Variants in KIRREL1 observed in about 807,000 individuals in gnomAD.
KIRREL1 encodes the protein kin of IRRE-like protein 1.
A neutral mutation model predicts 83.3 loss-of-function variants in KIRREL1; 25 were observed. That is an observed-to-expected ratio of 0.30 (90% confidence interval 0.22 to 0.42). The LOEUF (loss-of-function observed/expected upper bound fraction) is 0.42, where lower values mean the gene tolerates loss of function less well. Among genes scored for constraint, KIRREL1 ranks in the 10% least tolerant of loss-of-function variants. The probability of loss-of-function intolerance (pLI) is 1.00; values close to 1 mark genes in which losing one functional copy is unlikely to be tolerated. For synonymous variants in KIRREL1, 388 were observed against 410.4 expected (o/e 0.95, Z 0.66); for missense variants, 812 against 1,032.3 (o/e 0.79, Z 2.92).
At chr1:158,044,490 G>A (rs1249178949) in intron 1 of KIRREL1, among the ~76,000 whole-genome samples, 1 of 151,886 alleles carries the variant, frequency 6.6e-6, no homozygotes, top group Non-Finnish European at 1.5e-5. Flanking sequence ...GGCATTTTTT[G>A]TTTGTTTGCT....
At chr1:158,023,064 C>T (rs930553005) in intron 1 of KIRREL1, among the ~76,000 whole-genome samples, 3 of 152,232 alleles carry the variant, frequency 2.0e-5, no homozygotes, top group African/African-American at 7.2e-5. Flanking sequence ...AGCCATGAAG[C>T]AGGCCAAACA....
At chr1:158,020,600 C>CAAAAAAAAAAAAAAAAAAAAAAAA (rs370156588) in intron 1 of KIRREL1, among the ~76,000 whole-genome samples, 1 of 83,678 alleles carries the variant, frequency 1.2e-5, no homozygotes, top group Non-Finnish European at 2.1e-5. Context: ...TACAGTAAAT[C>CAAAAAAAAAAAAAAAAAAAAAAAA]AAAAAAAAAA....
chr1:158,013,162 A>G (rs1360728537), intron 1 of KIRREL1, among the ~76,000 whole-genome samples: 3 of 152,174 alleles, frequency 2.0e-5, no homozygotes, highest in Non-Finnish European at 4.4e-5. Context: ...CCTTTATCCC[A>G]TACCCCATAA....
In KIRREL1 at chr1:158,089,523, C is replaced by A. The variant is rs373920124; in HGVS notation, c.1066C>A (p.Leu356Met). The stretch of plus-strand genomic sequence containing the variant: ...CCAGGTCCTGAGTAACAGCAACCAG[C>A]TGCTGCTGAAGTCGGTGACTCAGGC... ...SNMVLSNSNQ[L>M]LLKSVTQADA... The change falls in exon 9 of 15, where the codon CTG becomes ATG. Residue 356 changes from leucine to methionine, a missense_variant. Coordinates refer to ENST00000359209, the MANE Select transcript of KIRREL1 (RefSeq NM_018240.7). 1 of 1,614,098 alleles carries A rather than the reference C, an allele frequency of 6.2e-7. No homozygotes were observed. Among genetic ancestry groups the A allele is most frequent in the Non-Finnish European group, 8.5e-7 (1 of 1,180,050 alleles).
At position 158,029,372 on chromosome 1, in the gene KIRREL1, T is replaced by TGTGTGTGTGTGTGTGTGC. The variant is rs1190966368; in HGVS notation, c.52+35645_52+35646insTGTGTGTGTGTGTGTGCG. 1.0e-3 allele frequency among the ~76,000 whole-genome samples: 152 copies of TGTGTGTGTGTGTGTGTGC among 149,488 alleles called. 1 individual carries two copies. Among genetic ancestry groups the TGTGTGTGTGTGTGTGTGC allele is most frequent in the East Asian group, 4.3e-3 (22 of 5,058 alleles). The stretch of plus-strand genomic sequence containing the variant: ...GTGTGTGTGTGTGTGTGTGTGCACG[T>TGTGTGTGTGTGTGTGTGC]GCGCGCGCATGCACACATGCATGCA... On this transcript the variant is annotated intron_variant, in intron 1 of 14. Coordinates refer to ENST00000359209, the MANE Select transcript of KIRREL1 (RefSeq NM_018240.7).
At chr1:157,997,133 G>A (rs1249992814) in intron 1 of KIRREL1, among the ~76,000 whole-genome samples, 3 of 152,170 alleles carry the variant, frequency 2.0e-5, no homozygotes, top group African/African-American at 4.8e-5. Context: ...TGATGAGCGC[G>A]CTGCAGTGCT....
At chr1:158,064,675 T>C (rs1268901556) in intron 1 of KIRREL1, among the ~76,000 whole-genome samples, 1 of 152,186 alleles carries the variant, frequency 6.6e-6, no homozygotes, top group Non-Finnish European at 1.5e-5. Context: ...ACTGTTAATG[T>C]CTATCCTAGG....
intron 1 of KIRREL1, among the ~76,000 whole-genome samples, chr1:158,038,439 T>C (rs12045704): frequency 0.076 from 11,465 of 150,082 alleles, 775 homozygotes; most frequent in East Asian, 0.21. Flanking sequence ...CAGAGTGGCA[T>C]GAAAAAATCT....
At chr1:158,084,094 C>A (rs536089857) in intron 3 of KIRREL1, among the ~76,000 whole-genome samples, 1 of 152,268 alleles carries the variant, frequency 6.6e-6, no homozygotes, top group East Asian at 1.9e-4. Flanking sequence ...GGCACCACTG[C>A]ACTCCAGCCT....
intron 1 of KIRREL1, among the ~76,000 whole-genome samples, chr1:157,999,847 T>C (rs1372143936): frequency 6.6e-6 from 1 of 152,150 alleles, no homozygotes; most frequent in African/African-American, 2.4e-5. Flanking sequence ...TAATGGGCTC[T>C]CTCAGAGTGG....
intron 2 of KIRREL1, among the ~76,000 whole-genome samples, chr1:158,076,809 T>C (rs1479194519): frequency 6.6e-6 from 1 of 152,272 alleles, no homozygotes; most frequent in African/African-American, 2.4e-5. Context: ...GCTATGTAGC[T>C]GGTGCTGAAG....
chr1:158,062,281 C>T (rs17420446), intron 1 of KIRREL1, among the ~76,000 whole-genome samples: 32,460 of 152,114 alleles, frequency 0.21, 3,992 homozygotes, highest in Non-Finnish European at 0.27. Context: ...CCTCTGGATG[C>T]TCCCTCCTCT....
At chr1:158,013,826 G>A (rs1226827313) in intron 1 of KIRREL1, among the ~76,000 whole-genome samples, 1 of 152,166 alleles carries the variant, frequency 6.6e-6, no homozygotes, top group Non-Finnish European at 1.5e-5. Context: ...GTCCTTTCTG[G>A]GGTGGGGGTG....
chr1:158,022,310 C>G (rs1166175507), intron 1 of KIRREL1, among the ~76,000 whole-genome samples: 1 of 152,176 alleles, frequency 6.6e-6, no homozygotes, highest in Non-Finnish European at 1.5e-5. Flanking sequence ...TCTATTTGAG[C>G]ATTTAACTTG....
At chr1:158,040,683 A>G (rs1660599396) in intron 1 of KIRREL1, among the ~76,000 whole-genome samples, 1 of 152,244 alleles carries the variant, frequency 6.6e-6, no homozygotes, top group Non-Finnish European at 1.5e-5. Flanking sequence ...ATGGAGGGGA[A>G]AAACATTTCA....
chr1:158,076,222 C>G lies in KIRREL1; in HGVS notation c.162C>G (p.Thr54=). The change falls in exon 2 of 15, where the codon ACC becomes ACG. Residue 54 remains threonine, a synonymous_variant. Transcript: ENST00000359209. ...LLNYSGIVQW[T]KDGLALGMGQ... is the part of the protein sequence containing the mutation. ...ACTACTCTGGAATTGTGCAATGGAC[C>G]AAGGACGGGCTGGCCCTGGGCATGG... 6.2e-7 allele frequency: 1 copy of G among 1,614,134 alleles called. No individual in the cohort carries two copies. The highest frequency in any genetic ancestry group is 8.5e-7 in the Non-Finnish European group (1 of 1,180,000).
intron 1 of KIRREL1, among the ~76,000 whole-genome samples, chr1:158,075,821 G>T (rs1253897249): frequency 6.6e-6 from 1 of 152,174 alleles, no homozygotes; most frequent in South Asian, 2.1e-4. Context: ...AAATGAGAGG[G>T]TTGGACTAGA....
Position 158,086,284 on chromosome 1 carries a change from T to G in KIRREL1, c.511-312T>G, listed in dbSNP as rs149546898. Among the ~76,000 whole-genome samples, 47 of 152,212 alleles carry G rather than the reference T, an allele frequency of 3.1e-4. 1 individual carries two copies. The highest frequency in any genetic ancestry group is 1.1e-3 in the African/African-American group (44 of 41,536). ...CTGTGATGTGGGCATGATGGCACACTCCTGTAGTCGCTGCTACTCAGAAGG... is the reference window on the plus strand; with the variant it reads ...CTGTGATGTGGGCATGATGGCACACGCCTGTAGTCGCTGCTACTCAGAAGG... On this transcript the variant is annotated intron_variant, in intron 4 of 14. Transcript: ENST00000359209.
intron 1 of KIRREL1, among the ~76,000 whole-genome samples, chr1:158,049,896 C>G (rs1660868146): frequency 6.6e-6 from 1 of 151,966 alleles, no homozygotes; most frequent in African/African-American, 2.4e-5. Flanking sequence ...CTGAAAAGAC[C>G]CGTATTACAG....
Sources: gnomAD v4.1 joint callset for allele counts (sites outside exome capture counted in the v4.1 genomes callset) on GRCh38, gnomAD v4.1.1 for gene constraint, MANE v1.5 for transcripts, NCBI Gene and HGNC (gene_info 2026-07-23, HGNC 2026-07-21) for gene names.